GSAP: variants seen among roughly 807,000 people sequenced by gnomAD.
GSAP encodes gamma-secretase activating protein, also known as gamma-secretase-activating protein.
A neutral mutation model predicts 131.7 loss-of-function variants in GSAP; 118 were observed. The ratio of observed to expected loss-of-function variants is 0.90; its 90% CI spans 0.77 to 1.04. The LOEUF (loss-of-function observed/expected upper bound fraction) is 1.04, where lower values mean the gene tolerates loss of function less well. Among genes scored for constraint, GSAP ranks in the 50% least tolerant of loss-of-function variants. The pLI, the probability that GSAP is intolerant of heterozygous loss-of-function variation, is 0.00. For missense variants in GSAP, 1,019 were observed against 1,013.2 expected, an observed-to-expected ratio of 1.01 and a Z score of -0.08; for synonymous variants, 381 against 363.4, an observed-to-expected ratio of 1.05 and a Z score of -0.55.
intron 1 of GSAP, among the ~76,000 whole-genome samples, chr7:77,407,460 CAT>C (rs1399051237): frequency 6.6e-6 from 1 of 152,120 alleles, no homozygotes. Context: ...TAATTACTAA[CAT>C]ATTGGGTTGA....
intron 19 of GSAP, among the ~76,000 whole-genome samples, chr7:77,341,160 C>T (rs11769989): frequency 0.097 from 14,750 of 152,130 alleles, 786 homozygotes; most frequent in African/African-American, 0.13. Flanking sequence ...GTCTGAGGTG[C>T]CTGACTTCCA....
rs144419154 is a variant in GSAP, at chr7:77,311,636, C to T, written c.2474-187G>A. ...TGCATCAACCAAATGGGCTTTAAAC[C>T]TCTTGACTCTTTTAAAACTTCAGAG... On this transcript the variant is annotated intron_variant, in intron 30 of 30. Transcript: ENST00000257626. The T allele has an allele frequency of 3.7e-5, 22 of 590,470 alleles. No homozygotes were observed. The East Asian group carries it at 5.5e-4, about 15-fold the overall frequency. The allele number at this position is 590,470 out of a possible 1,614,324, so 36.6% of individuals were successfully genotyped here. A position where few individuals can be genotyped will look rare whatever the true frequency, so the allele number is the denominator to read the frequency against.
At chr7:77,414,756 A>G (rs1340301181) in intron 1 of GSAP, among the ~76,000 whole-genome samples, 2 of 151,582 alleles carry the variant, frequency 1.3e-5, no homozygotes, top group East Asian at 3.9e-4. Flanking sequence ...GGGAGTCCAG[A>G]AAAAGGAGTA....
chr7:77,322,592 T>TG (rs1214363036), intron 24 of GSAP, among the ~76,000 whole-genome samples: 4 of 135,600 alleles, frequency 2.9e-5, no homozygotes, highest in Admixed American at 7.2e-5. Context: ...GTTTTTTTTT[T>TG]TTTTTTTTTT....
chr7:77,363,929 T>C (rs986842668), intron 12 of GSAP, among the ~76,000 whole-genome samples: 5 of 151,928 alleles, frequency 3.3e-5, no homozygotes, highest in African/African-American at 1.2e-4. Flanking sequence ...ATTATAAGAG[T>C]TACAAAAGTC....
chr7:77,312,022 G>A, intron 29 of GSAP, 79 bp downstream of exon 29: 1 of 1,171,748 alleles, frequency 8.5e-7, no homozygotes, highest in Admixed American at 1.7e-5. Flanking sequence ...AACTGTAATT[G>A]CTGTCCATAC....
intron 13 of GSAP, 75 bp downstream of exon 13, chr7:77,362,508 G>A: frequency 2.5e-6 from 2 of 806,460 alleles, no homozygotes; most frequent in Non-Finnish European, 4.3e-6. Flanking sequence ...TAATAACACT[G>A]TTAAGAGCTA....
chr7:77,340,058 A>G (rs1356766696), intron 19 of GSAP, among the ~76,000 whole-genome samples: 2 of 152,196 alleles, frequency 1.3e-5, no homozygotes, highest in African/African-American at 4.8e-5. Context: ...TCCTGCCTTA[A>G]ATGATGACAT....
chr7:77,380,400 G>C (rs1355530166), intron 8 of GSAP, among the ~76,000 whole-genome samples: 3 of 152,080 alleles, frequency 2.0e-5, no homozygotes, highest in Non-Finnish European at 4.4e-5. Context: ...CATCCCTGAG[G>C]ATTTAGCTCA....
intron 5 of GSAP, among the ~76,000 whole-genome samples, chr7:77,389,818 C>G (rs1175054066): frequency 1.3e-5 from 2 of 152,188 alleles, no homozygotes; most frequent in Non-Finnish European, 2.9e-5. Flanking sequence ...ATGGCTGGGT[C>G]AAATGGTATT....
chr7:77,377,608 T>A (rs1420112792), intron 8 of GSAP, among the ~76,000 whole-genome samples: 1 of 152,176 alleles, frequency 6.6e-6, no homozygotes, highest in African/African-American at 2.4e-5. Context: ...ACGTATAATA[T>A]ATGATTTTAT....
At chr7:77,330,009 A>C in intron 20 of GSAP, 1 of 340,454 alleles carries the variant, frequency 2.9e-6, no homozygotes, top group East Asian at 5.4e-5. Flanking sequence ...TACTTCTACT[A>C]TGAATGTGCT....
chr7:77,337,340 A>C (rs1375351878), intron 19 of GSAP, among the ~76,000 whole-genome samples: 1 of 151,706 alleles, frequency 6.6e-6, no homozygotes, highest in South Asian at 2.1e-4. Flanking sequence ...ACACCTGGCT[A>C]ATTTTTGTAT....
chr7:77,388,281 G>C (rs567585633), intron 5 of GSAP, among the ~76,000 whole-genome samples: 2 of 152,320 alleles, frequency 1.3e-5, no homozygotes, highest in Admixed American at 6.5e-5. Flanking sequence ...GCGATTCTCT[G>C]TCACTCCAAT....
intron 19 of GSAP, among the ~76,000 whole-genome samples, chr7:77,345,148 T>A (rs1791602358): frequency 6.6e-6 from 1 of 152,184 alleles, no homozygotes; most frequent in African/African-American, 2.4e-5. Context: ...TTTTTCTCAT[T>A]CTCTTATTCA....
rs375595494 is a variant in GSAP at position 77,402,616 on chromosome 7, A to AAAAAAAAAAAAAAAAAAT, written c.243+1942_243+1943insATTTTTTTTTTTTTTTTT. ...CTCAAAAAAAAAAAAAAAAAAAAAA[A>AAAAAAAAAAAAAAAAAAT]GAATTTTAAAGCCCATCTAGATTTG... On this transcript the variant is annotated intron_variant, in intron 3 of 30. Transcript: ENST00000257626. 6.1e-4 allele frequency among the ~76,000 whole-genome samples: 49 copies of AAAAAAAAAAAAAAAAAAT among 80,498 alleles called. 5 individuals carry two copies. Among genetic ancestry groups the AAAAAAAAAAAAAAAAAAT allele is most frequent in the Admixed American group, 8.8e-4 (5 of 5,682 alleles). The allele number at this position is 80,498 out of a possible 152,430, so 52.8% of individuals were successfully genotyped here. A position where few individuals can be genotyped will look rare whatever the true frequency, so the allele number is the denominator to read the frequency against.
chr7:77,338,035 T>C (rs1790289801), intron 19 of GSAP, among the ~76,000 whole-genome samples: 1 of 152,056 alleles, frequency 6.6e-6, no homozygotes. Flanking sequence ...CATGGTGGCA[T>C]GTGCCTGTGG....
chr7:77,311,677 TTTACTCTAGGTAG>T, intron 30 of GSAP, 151 bp downstream of exon 30: 1 of 591,536 alleles, frequency 1.7e-6, no homozygotes, highest in Admixed American at 3.0e-5. Context: ...TATTTGGTAA[TTTACTCTAGGTAG>T]TAAATTTGGT....
chr7:77,376,214 T>C (rs1796830795), intron 10 of GSAP, among the ~76,000 whole-genome samples: 2 of 152,194 alleles, frequency 1.3e-5, no homozygotes, highest in Admixed American at 1.3e-4. Flanking sequence ...GTTCTTGCCA[T>C]TACTTTTAAA....
Sources: allele counts gnomAD v4.1 joint callset (sites outside exome capture counted in the v4.1 genomes callset), GRCh38; gene constraint gnomAD v4.1.1; transcripts MANE v1.5; gene names NCBI Gene and HGNC (gene_info 2026-07-23, HGNC 2026-07-21).